Variants in TULP4 observed in about 807,000 individuals in gnomAD.
The protein encoded by TULP4 is tubby-related protein 4.
In TULP4, 16 loss-of-function variants were observed where a neutral mutation model predicts 129.0. The observed-to-expected ratio is 0.12, with a 90% CI of 0.08 to 0.19. TULP4 has a LOEUF of 0.19. Ranked by LOEUF, TULP4 falls within the 10% of genes least tolerant of loss-of-function variation. The probability of loss-of-function intolerance (pLI) is 1.00; values close to 1 mark genes in which losing one functional copy is unlikely to be tolerated. For synonymous variants in TULP4, 998 were observed against 854.0 expected (o/e 1.17, Z -2.94); for missense variants, 1,842 against 2,059.1 (o/e 0.89, Z 2.04).
chr6:158,503,473 G>A lies in TULP4; in HGVS notation c.3810G>A (p.Pro1270=), dbSNP rs137855029. ...CATGGAGTTCCTACAGCGCCTGCCC[G>A]CCCATGCAGAACCCCCAGGGCACTC... ...LHPWSSYSAC[P]PMQNPQGTLP... is the part of the protein sequence containing the mutation. The change falls in exon 13 of 14, where the codon CCG becomes CCA. Residue 1270 remains proline, a synonymous_variant. Transcript: ENST00000367097. The surrounding 1 kb of genome is among the most constrained non-coding windows in gnomAD (Gnocchi z 4.3). 169 of 1,613,728 alleles carry A rather than the reference G, an allele frequency of 1.0e-4. 1 individual carries two copies. Among genetic ancestry groups the A allele is most frequent in the South Asian group, 1.3e-4 (12 of 91,068 alleles).
chr6:158,292,322 C>G (rs910468521), intron 1 of TULP4, among the ~76,000 whole-genome samples: 11 of 152,184 alleles, frequency 7.2e-5, no homozygotes. Context: ...TGGGACAGTT[C>G]TGGGTAAACT....
chr6:158,254,917 C>CA (rs1465171155), intron 1 of TULP4, among the ~76,000 whole-genome samples: 14 of 152,150 alleles, frequency 9.2e-5, no homozygotes, highest in African/African-American at 3.4e-4. Flanking sequence ...ACTAAAAGTA[C>CA]AAAAATTAAC....
chr6:158,386,660 G>C (rs1301151034), intron 1 of TULP4, among the ~76,000 whole-genome samples: 9 of 152,242 alleles, frequency 5.9e-5, no homozygotes, highest in Non-Finnish European at 1.2e-4. Context: ...TCCTTAACTA[G>C]AAAGGCAGTA....
Position 158,452,277 on chromosome 6 carries a change from T to G in TULP4, c.859+9T>G. ...CCGCTCAGGGCTGAAAGGTACAGAA[T>G]GCTGCACACACCCCAAACCTGCAGA... On this transcript the variant is annotated intron_variant, in intron 5 of 13. Coordinates refer to ENST00000367097, the MANE Select transcript of TULP4 (RefSeq NM_020245.5). The G allele has an allele frequency of 1.2e-6, 2 of 1,613,778 alleles. No individual in the cohort carries two copies. The highest frequency in any genetic ancestry group is 1.7e-6 in the Non-Finnish European group (2 of 1,179,838).
chr6:158,416,202 AG>A (rs1047249095), intron 2 of TULP4, among the ~76,000 whole-genome samples: 11 of 152,218 alleles, frequency 7.2e-5, no homozygotes, highest in Non-Finnish European at 1.0e-4. Flanking sequence ...ACCCAGATTG[AG>A]GGGGGGTCTG....
chr6:158,239,134 G>T (rs1275019630), intron 1 of TULP4, among the ~76,000 whole-genome samples: 1 of 118,034 alleles, frequency 8.5e-6, no homozygotes, highest in Non-Finnish European at 2.0e-5. Context: ...GGGGCGGCCG[G>T]GCAGAGGCGC....
intron 2 of TULP4, among the ~76,000 whole-genome samples, chr6:158,421,002 G>A (rs986461493): frequency 2.6e-5 from 4 of 152,136 alleles, no homozygotes; most frequent in African/African-American, 9.7e-5. Flanking sequence ...GCCCAAAGTG[G>A]TCGGGCCGCA....
chr6:158,362,671 T>C (rs1308070480), intron 1 of TULP4, among the ~76,000 whole-genome samples: 1 of 152,162 alleles, frequency 6.6e-6, no homozygotes, highest in Non-Finnish European at 1.5e-5. Context: ...CATAATTATA[T>C]TTATACTTCT....
intron 1 of TULP4, among the ~76,000 whole-genome samples, chr6:158,371,639 G>A (rs576337138): frequency 1.3e-5 from 2 of 152,186 alleles, no homozygotes; most frequent in East Asian, 3.9e-4. Context: ...TTATAACAGC[G>A]TCTTTTGTTC....
intron 2 of TULP4, among the ~76,000 whole-genome samples, chr6:158,416,711 C>A (rs1484602644): frequency 6.6e-6 from 1 of 152,178 alleles, no homozygotes; most frequent in African/African-American, 2.4e-5. Context: ...TCTACAGTAG[C>A]TACAAGGTAA....
At chr6:158,491,390 GTTCTTTCTTTCTTTCT>G (rs534422353) in intron 9 of TULP4, among the ~76,000 whole-genome samples, 9 of 146,768 alleles carry the variant, frequency 6.1e-5, no homozygotes, top group South Asian at 4.4e-4. Flanking sequence ...AGTTATAAGA[GTTCTTTCTTTCTTTCT>G]TTCTTTCTTT....
chr6:158,399,508 C>G (rs746344776), intron 1 of TULP4, among the ~76,000 whole-genome samples: 2 of 152,198 alleles, frequency 1.3e-5, no homozygotes, highest in Non-Finnish European at 2.9e-5. Flanking sequence ...GGTGCTGCTG[C>G]TAGTCCAAGG....
Position 158,479,839 on chromosome 6 carries a change from A to C in TULP4, c.1115A>C (p.His372Pro). ...GCCCTGTACGTGGTGCGTGTGGAGC[A>C]CCGGGTGTCCAGCCTGCAGCTGCTG... is the stretch of plus-strand genomic sequence containing the variant. ...GPALYVVRVE[H>P]RVSSLQLLCQ... Residue 372 changes from histidine to proline, a missense_variant, in exon 7 of 14, where the codon CAC becomes CCC. His to Pro is a moderately conservative substitution (Grantham distance 77). Coordinates refer to ENST00000367097, the MANE Select transcript of TULP4 (RefSeq NM_020245.5). The C allele has an allele frequency of 6.2e-7, 1 of 1,613,966 alleles. No individual in the cohort carries two copies. Among genetic ancestry groups the C allele is most frequent in the Non-Finnish European group, 8.5e-7 (1 of 1,179,984 alleles).
intron 3 of TULP4, among the ~76,000 whole-genome samples, chr6:158,438,660 C>G (rs1044557790): frequency 6.6e-5 from 10 of 152,240 alleles, no homozygotes; most frequent in African/African-American, 2.4e-4. Context: ...TCTCAGCTCA[C>G]TGCAACCTCC....
intron 6 of TULP4, among the ~76,000 whole-genome samples, chr6:158,475,557 G>A (rs1779799014): frequency 1.3e-5 from 2 of 152,204 alleles, no homozygotes; most frequent in South Asian, 4.1e-4. Context: ...CAAACACAAC[G>A]TGAATCTGGG....
In TULP4 at chr6:158,313,245, G is replaced by A; in HGVS notation, c.-772G>A. 1 of 363,568 alleles carries A rather than the reference G, an allele frequency of 2.8e-6. No homozygotes were observed. Among genetic ancestry groups the A allele is most frequent in the East Asian group, 4.0e-5 (1 of 25,244 alleles). The allele number at this position is 363,568 out of a possible 1,614,324, so 22.5% of individuals were successfully genotyped here. A position where few individuals can be genotyped will look rare whatever the true frequency, so the allele number is the denominator to read the frequency against. ...GGGTGCGCCGGCTGGTGGAGGAGCAGTCCGATGGAGCCCTGCGTTCCCCGG... is the reference window on the plus strand; with the variant it reads ...GGGTGCGCCGGCTGGTGGAGGAGCAATCCGATGGAGCCCTGCGTTCCCCGG... On this transcript the variant is annotated 5_prime_UTR_variant, in exon 1 of 14. Transcript: ENST00000367097.
intron 1 of TULP4, among the ~76,000 whole-genome samples, chr6:158,274,860 C>T (rs992556493): frequency 1.3e-5 from 2 of 152,220 alleles, no homozygotes; most frequent in African/African-American, 4.8e-5. Flanking sequence ...CTGTTGCCTA[C>T]AGGCCGCTCC....
rs1255330144 is a variant in TULP4 at position 158,334,168 on chromosome 6, C to T, written c.252+19900C>T. ...TGCAATACTGTAAACCTTGAATAAC[C>T]ACCATGAGATCCATATGAAATGGCA... is the stretch of plus-strand genomic sequence containing the variant. On this transcript the variant is annotated intron_variant, in intron 1 of 13. Coordinates refer to ENST00000367097, the MANE Select transcript of TULP4 (RefSeq NM_020245.5). Among the ~76,000 whole-genome samples, 7 of 152,180 alleles carry T rather than the reference C, an allele frequency of 4.6e-5. No individual in the cohort carries two copies. In the East Asian group the frequency reaches 1.3e-3, roughly 29 times the overall value.
intron 1 of TULP4, among the ~76,000 whole-genome samples, chr6:158,409,195 A>G (rs1370567090): frequency 6.6e-6 from 1 of 152,218 alleles, no homozygotes; most frequent in Admixed American, 6.5e-5. Context: ...TATGGCCCAA[A>G]TGTAGGCTTT....
Sources: allele counts gnomAD v4.1 joint callset (sites outside exome capture counted in the v4.1 genomes callset), GRCh38; gene constraint gnomAD v4.1.1; non-coding constraint Gnocchi (gnomAD v3.1); transcripts MANE v1.5; gene names NCBI Gene and HGNC (gene_info 2026-07-23, HGNC 2026-07-21).